PFKFB2: variants seen among roughly 807,000 people sequenced by gnomAD.
PFKFB2 encodes the protein 6-phosphofructo-2-kinase/fructose-2,6-bisphosphatase 2.
In PFKFB2, 53 loss-of-function variants were observed where a neutral mutation model predicts 68.0. That is an observed-to-expected ratio of 0.78 (90% CI 0.63 to 0.98). The LOEUF is 0.98. Among genes scored for constraint, PFKFB2 ranks in the 50% least tolerant of loss-of-function variants. The probability of loss-of-function intolerance (pLI) is 0.00; values close to 1 mark genes in which losing one functional copy is unlikely to be tolerated. For missense variants in PFKFB2, 451 were observed against 642.0 expected (o/e 0.70, Z 3.22); for synonymous variants, 222 against 227.6 (o/e 0.98, Z 0.22).
chr1:207,073,087 G>T lies in PFKFB2; in HGVS notation c.*716G>T. On this transcript the variant is annotated 3_prime_UTR_variant, in exon 15 of 15. Transcript: ENST00000367080. ...CTACAGGACATCCACAGAATATTCT[G>T]GAGCTTGCAAGTAGACATAGGGTGA... The T allele has an allele frequency of 1.0e-6, 1 of 985,516 alleles. No homozygotes were observed. Among genetic ancestry groups the T allele is most frequent in the Non-Finnish European group, 1.2e-6 (1 of 829,970 alleles). The allele number at this position is 985,516 out of a possible 1,614,324, so 61.0% of individuals were successfully genotyped here.
chr1:207,071,279 G>T (rs754372700), intron 13 of PFKFB2, 29 bp downstream of exon 13: 2 of 1,579,272 alleles, frequency 1.3e-6, no homozygotes, highest in East Asian at 2.2e-5. Context: ...GCTGGCAGGA[G>T]CTGGGAATTG....
chr1:207,068,316 A>G lies in PFKFB2; in HGVS notation c.987+7A>G. On this transcript the variant is annotated splice_region_variant and intron_variant, in intron 10 of 14. Coordinates refer to ENST00000367080, the MANE Select transcript of PFKFB2 (RefSeq NM_006212.2). ...TCTGAATGAGATTGATGCTGTGAGT[A>G]GGAAGCTCTGAAGGCCCAGAAAAGC... The G allele has an allele frequency of 6.4e-7, 1 of 1,561,530 alleles. No homozygotes were observed. Among genetic ancestry groups the G allele is most frequent in the Non-Finnish European group, 8.7e-7 (1 of 1,153,858 alleles).
Position 207,063,684 on chromosome 1 carries a change from G to T in PFKFB2, c.451-89G>T. On this transcript the variant is annotated intron_variant, in intron 6 of 14. Coordinates refer to ENST00000367080, the MANE Select transcript of PFKFB2 (RefSeq NM_006212.2). The surrounding 1 kb of genome is among the most constrained non-coding windows in gnomAD (Gnocchi z 4.1). ...TCATGAAGAAAATCCTGGGAGATGTGGTGGCTGGGTGGGGTAGATGAGCAT... is the reference window on the plus strand; with the variant it reads ...TCATGAAGAAAATCCTGGGAGATGTTGTGGCTGGGTGGGGTAGATGAGCAT... 1.9e-6 allele frequency: 2 copies of T among 1,066,896 alleles called. No individual in the cohort carries two copies. The highest frequency in any genetic ancestry group is 2.9e-6 in the Non-Finnish European group (2 of 682,474). The allele number at this position is 1,066,896 out of a possible 1,614,324, so 66.1% of individuals were successfully genotyped here.
upstream of PFKFB2, chr1:207,051,152 A>G: frequency 1.4e-6 from 2 of 1,421,014 alleles, no homozygotes; most frequent in Non-Finnish European, 1.8e-6. Flanking sequence ...CTCAGAACGA[A>G]GATGTAAACC....
chr1:207,051,447 T>G (rs912944946), upstream of PFKFB2, among the ~76,000 whole-genome samples: 5 of 152,210 alleles, frequency 3.3e-5, no homozygotes, highest in Non-Finnish European at 5.9e-5. Context: ...ACAATCACAC[T>G]TGTGACTAGA....
chr1:207,046,603 T>A (rs1260301417), intron 2 of PFKFB2: 1 of 152,060 alleles, frequency 6.6e-6, no homozygotes, highest in Non-Finnish European at 1.5e-5. Context: ...TGACAGAGTA[T>A]CAGTGTCCAA....
intron 1 of PFKFB2, among the ~76,000 whole-genome samples, chr1:207,039,802 G>A (rs544098046): frequency 6.6e-6 from 1 of 152,168 alleles, no homozygotes; most frequent in Non-Finnish European, 1.5e-5. Context: ...AATTTGGCAG[G>A]CACTAAGGAC....
upstream of PFKFB2, chr1:207,049,591 G>C: frequency 1.2e-6 from 2 of 1,614,200 alleles, no homozygotes; most frequent in South Asian, 1.1e-5. Context: ...AAAGAGGCAA[G>C]AGTTGTCTGC....
At chr1:207,051,842 T>A (rs1210383848), upstream of PFKFB2, among the ~76,000 whole-genome samples, 2 of 152,162 alleles carry the variant, frequency 1.3e-5, no homozygotes, top group Non-Finnish European at 2.9e-5. Context: ...CCCAGGACTG[T>A]GCCTCGCAAA....
intron 9 of PFKFB2, 56 bp downstream of exon 9, chr1:207,067,762 C>G (rs1446686728): frequency 1.5e-6 from 2 of 1,369,384 alleles, no homozygotes; most frequent in East Asian, 4.6e-5. Context: ...AAGGGCATGA[C>G]TGAGGTCATA....
upstream of PFKFB2, chr1:207,050,748 G>T (rs772256355): frequency 6.2e-7 from 1 of 1,613,302 alleles, no homozygotes. Flanking sequence ...AGGCACTCGG[G>T]AGGGTATCCG....
At chr1:207,068,381 T>C in intron 10 of PFKFB2, 72 bp downstream of exon 10, 1 of 1,329,264 alleles carries the variant, frequency 7.5e-7, no homozygotes, top group Non-Finnish European at 1.0e-6. Context: ...AGTCACTATT[T>C]AGACAGTTTT....
chr1:207,063,931 G>A lies in PFKFB2; in HGVS notation c.507+102G>A, dbSNP rs974051081. 2 of 809,010 alleles carry A rather than the reference G, an allele frequency of 2.5e-6. No individual in the cohort carries two copies. The highest frequency in any genetic ancestry group is 2.1e-6 in the Non-Finnish European group (1 of 474,560). 50.1% of individuals were successfully genotyped at this position (809,010 alleles called of 1,614,324 possible). A position where few individuals can be genotyped will look rare whatever the true frequency, so the allele number is the denominator to read the frequency against. On this transcript the variant is annotated intron_variant, in intron 7 of 14. Transcript: ENST00000367080. This position sits in a 1 kb window ranked among gnomAD's most constrained non-coding sequence, Gnocchi z 4.1. ...TGTGTGTGTGTTGTTGGGGAGGGGT[G>A]TTTTCGTAATGAAAGAGAGAAATAG...
intron 2 of PFKFB2, among the ~76,000 whole-genome samples, chr1:207,057,962 C>T (rs1682980071): frequency 1.3e-5 from 2 of 152,192 alleles, no homozygotes; most frequent in East Asian, 3.8e-4. Flanking sequence ...ACATTTGTGA[C>T]AGCAACTTTT....
In PFKFB2 at chr1:207,070,887, G is replaced by A. The variant is rs1683445594; in HGVS notation, c.1223-301G>A. 2 of 338,438 alleles carry A rather than the reference G, an allele frequency of 5.9e-6. No homozygotes were observed. Among genetic ancestry groups the A allele is most frequent in the Non-Finnish European group, 1.1e-5 (2 of 182,318 alleles). 21.0% of individuals were successfully genotyped at this position (338,438 alleles called of 1,614,324 possible). On this transcript the variant is annotated intron_variant, in intron 12 of 14. Transcript: ENST00000367080. This position sits in a 1 kb window ranked among gnomAD's most constrained non-coding sequence, Gnocchi z 4.2. Reference sequence around the variant, plus strand: ...CATCCTGAGCTGCTTGGAAGCTGTTGTGGTCAGACCTTATTGGCCTTTGCT... The same window carrying A: ...CATCCTGAGCTGCTTGGAAGCTGTTATGGTCAGACCTTATTGGCCTTTGCT...
At chr1:207,064,712 T>C (rs979153663) in intron 7 of PFKFB2, among the ~76,000 whole-genome samples, 1 of 152,154 alleles carries the variant, frequency 6.6e-6, no homozygotes, top group Non-Finnish European at 1.5e-5. Context: ...TGAGTGGTAA[T>C]AGGGAAACAT....
Position 207,077,485 on chromosome 1 carries a change from A to G in PFKFB2, c.*5114A>G. The G allele has an allele frequency of 5.1e-6, 5 of 985,358 alleles. No individual in the cohort carries two copies. Among genetic ancestry groups the G allele is most frequent in the Non-Finnish European group, 6.0e-6 (5 of 829,758 alleles). 61.0% of individuals were successfully genotyped at this position (985,358 alleles called of 1,614,324 possible). ...AACAAGAAGATCAACTTATGCTGGT[A>G]TGGTGATGGTTTTGCTATGGCAAAA... On this transcript the variant is annotated 3_prime_UTR_variant, in exon 15 of 15. Transcript: ENST00000367080.
In PFKFB2 at chr1:207,072,622, T is replaced by G; in HGVS notation, c.*251T>G. On this transcript the variant is annotated 3_prime_UTR_variant, in exon 15 of 15. Transcript: ENST00000367080. ...AAATTGAGTCTTTTAGGACAGATTC[T>G]CAGATGGGATGATCTGGAGGAGGAG... 2 of 1,254,996 alleles carry G rather than the reference T, an allele frequency of 1.6e-6. No individual in the cohort carries two copies. Among genetic ancestry groups the G allele is most frequent in the East Asian group, 3.6e-5 (1 of 27,892 alleles). The allele number at this position is 1,254,996 out of a possible 1,614,324, so 77.7% of individuals were successfully genotyped here. A position where few individuals can be genotyped will look rare whatever the true frequency, so the allele number is the denominator to read the frequency against.
rs200901163 is a variant in PFKFB2 at position 207,064,991 on chromosome 1, C to T, written c.508-45C>T. 157 of 1,595,996 alleles carry T rather than the reference C, an allele frequency of 9.8e-5. No homozygotes were observed. In the East Asian group the frequency reaches 2.2e-3, roughly 22 times the overall value. On this transcript the variant is annotated intron_variant, in intron 7 of 14. Transcript: ENST00000367080. ...GTGGCTATTTGTAGGAGGACTGTTA[C>T]GGGCAGACCTCTGATGAGGCCTTTA...
Sources: gnomAD v4.1 joint callset for allele counts (sites outside exome capture counted in the v4.1 genomes callset) on GRCh38, gnomAD v4.1.1 for gene constraint, Gnocchi (gnomAD v3.1) non-coding constraint, MANE v1.5 for transcripts, NCBI Gene and HGNC (gene_info 2026-07-23, HGNC 2026-07-21) for gene names.